The following RGS7 variants were observed in gnomAD, a reference collection of about 807,000 sequenced individuals.
RGS7 encodes the protein regulator of G-protein signaling 7.
In RGS7, 27 loss-of-function variants were observed where a neutral mutation model predicts 81.1. The ratio of observed to expected loss-of-function variants is 0.33; its 90% CI spans 0.25 to 0.46. The LOEUF (loss-of-function observed/expected upper bound fraction) is 0.46, where lower values mean the gene tolerates loss of function less well. Among genes scored for constraint, RGS7 ranks in the 20% least tolerant of loss-of-function variants. The probability of loss-of-function intolerance (pLI) is 1.00; values close to 1 mark genes in which losing one functional copy is unlikely to be tolerated. For missense variants in RGS7, 396 were observed against 607.4 expected (o/e 0.65, Z 3.66); for synonymous variants, 208 against 207.7 (o/e 1.00, Z -0.01).
At chr1:241,319,847 C>T (rs532219663) in intron 2 of RGS7, among the ~76,000 whole-genome samples, 97 of 152,284 alleles carry the variant, frequency 6.4e-4, no homozygotes, top group Non-Finnish European at 8.8e-4. Flanking sequence ...AATCCCAGCA[C>T]TTTGGGAGGC....
At chr1:240,921,248 A>C (rs2148301614) in intron 6 of RGS7, among the ~76,000 whole-genome samples, 1 of 152,286 alleles carries the variant, frequency 6.6e-6, no homozygotes, top group East Asian at 1.9e-4. Context: ...GAATAATGGT[A>C]CCAGAAAAAA....
At chr1:241,001,888 AT>A (rs144866410) in intron 3 of RGS7, among the ~76,000 whole-genome samples, 1,724 of 152,302 alleles carry the variant, frequency 0.011, 29 homozygotes, top group African/African-American at 0.039. Flanking sequence ...CACAACACCA[AT>A]GATAAACCCT....
intron 6 of RGS7, among the ~76,000 whole-genome samples, chr1:240,891,395 T>G (rs780007642): frequency 3.9e-4 from 59 of 152,212 alleles, no homozygotes; most frequent in Non-Finnish European, 7.2e-4. Flanking sequence ...TAAACTAGAA[T>G]TTGGCCTCAC....
rs145601406 is a variant in RGS7, at chr1:240,939,510, A to G, written c.227-2804T>C. 3.3e-5 allele frequency among the ~76,000 whole-genome samples: 5 copies of G among 152,300 alleles called. No individual in the cohort carries two copies. The East Asian group carries it at 9.7e-4, about 29-fold the overall frequency. On this transcript the variant is annotated intron_variant, in intron 4 of 18. Transcript: ENST00000440928. ...GATCTAGAAAGATAGTTGGCCCATA[A>G]CAAATGAGCAGGTGGTTATAGTCCT...
At chr1:241,221,878 C>A in intron 2 of RGS7, among the ~76,000 whole-genome samples, 1 of 152,084 alleles carries the variant, frequency 6.6e-6, no homozygotes, top group East Asian at 1.9e-4. Context: ...TAAAATAAAT[C>A]TTTCTTTCCT....
At chr1:240,977,443 T>A (rs917097949) in intron 4 of RGS7, among the ~76,000 whole-genome samples, 1 of 152,248 alleles carries the variant, frequency 6.6e-6, no homozygotes, top group Non-Finnish European at 1.5e-5. Flanking sequence ...CGTAAATACA[T>A]ATCTTTTAGA....
At chr1:241,245,499 A>AT (rs991740950) in intron 2 of RGS7, among the ~76,000 whole-genome samples, 5 of 151,966 alleles carry the variant, frequency 3.3e-5, no homozygotes, top group Non-Finnish European at 7.4e-5. Flanking sequence ...TTATAAAAAA[A>AT]AAAAAAAAGA....
chr1:241,299,794 C>T (rs991651843), intron 2 of RGS7, among the ~76,000 whole-genome samples: 7 of 135,572 alleles, frequency 5.2e-5, no homozygotes, highest in African/African-American at 1.9e-4. Context: ...CATTTAGGTA[C>T]TCTCGTCCCA....
At chr1:240,867,360 C>T (rs1663502475) in intron 9 of RGS7, among the ~76,000 whole-genome samples, 1 of 152,080 alleles carries the variant, frequency 6.6e-6, no homozygotes, top group Non-Finnish European at 1.5e-5. Context: ...ATTATTTATT[C>T]TAATAATACT....
chr1:241,083,989 A>T (rs1302535388), intron 3 of RGS7, among the ~76,000 whole-genome samples: 1 of 152,168 alleles, frequency 6.6e-6, no homozygotes, highest in Non-Finnish European at 1.5e-5. Context: ...CACCTTACTT[A>T]TTCTTATCTT....
Position 240,935,588 on chromosome 1 carries a change from G to A in RGS7, c.333+1012C>T, listed in dbSNP as rs17555. ...TACGATTATTTGCCTTGGAAGAAAT[G>A]AGTCCAAGGAAGGGGCAGTGAGACT... On this transcript the variant is annotated intron_variant, in intron 5 of 18. Coordinates refer to ENST00000440928, the MANE Select transcript of RGS7 (RefSeq NM_001364886.1). Among the ~76,000 whole-genome samples, 949 of 152,252 alleles carry A rather than the reference G, an allele frequency of 6.2e-3. 14 individuals are homozygous for A. Among genetic ancestry groups the A allele is most frequent in the African/African-American group, 0.022 (905 of 41,562 alleles).
chr1:240,996,916 A>C (rs563192991), intron 3 of RGS7, among the ~76,000 whole-genome samples: 1 of 151,750 alleles, frequency 6.6e-6, no homozygotes, highest in Non-Finnish European at 1.5e-5. Context: ...GATTGCATTA[A>C]TATTTTTTAA....
In RGS7 at chr1:241,098,654, A is replaced by G. The variant is rs1233235249; in HGVS notation, c.175+12T>C. ...ACAGGAGAAAACAGAACTGTGCTCC[A>G]TGCAGACTTACCAGAGAAGACGCTA... On this transcript the variant is annotated intron_variant, in intron 3 of 18. Coordinates refer to ENST00000440928, the MANE Select transcript of RGS7 (RefSeq NM_001364886.1). 1.3e-6 allele frequency: 2 copies of G among 1,579,876 alleles called. No homozygotes were observed. Among genetic ancestry groups the G allele is most frequent in the Non-Finnish European group, 1.7e-6 (2 of 1,149,020 alleles).
chr1:241,336,057 A>C (rs77572647), intron 2 of RGS7, among the ~76,000 whole-genome samples: 7,570 of 152,192 alleles, frequency 0.05, 490 homozygotes, highest in African/African-American at 0.15. Flanking sequence ...TTTATGAAGA[A>C]GACTTTTTTT....
intron 2 of RGS7, among the ~76,000 whole-genome samples, chr1:241,260,060 A>G (rs1360955081): frequency 6.6e-6 from 1 of 152,120 alleles, no homozygotes; most frequent in African/African-American, 2.4e-5. Context: ...TCTGCCATCC[A>G]TATGGAATTT....
intron 2 of RGS7, among the ~76,000 whole-genome samples, chr1:241,156,114 GGATAGAAAGATAAATGATGATA>G (rs1558136901): frequency 3.3e-5 from 5 of 149,340 alleles, no homozygotes; most frequent in Non-Finnish European, 7.4e-5. Flanking sequence ...CTGAGATAGA[GGATAGAAAGATAAATGATGATA>G]GATAGATAGA....
chr1:241,330,166 C>T (rs537906418), intron 2 of RGS7, among the ~76,000 whole-genome samples: 19 of 152,204 alleles, frequency 1.2e-4, no homozygotes, highest in South Asian at 1.2e-3. Flanking sequence ...GTCTCGATCT[C>T]CTGACCTCGT....
chr1:241,269,697 T>C (rs1181673230), intron 2 of RGS7, among the ~76,000 whole-genome samples: 3 of 152,124 alleles, frequency 2.0e-5, no homozygotes, highest in Non-Finnish European at 4.4e-5. Context: ...CACTGATGAG[T>C]GGGCGATCTG....
In RGS7 at chr1:240,867,984, G is replaced by C. The variant is rs567644193; in HGVS notation, c.609+603C>G. ...CCACTGTACTCCAGCCTGGGCCACA[G>C]AGCCAGATCCCATAAAAAAAGAGAG... On this transcript the variant is annotated intron_variant, in intron 9 of 18. Coordinates refer to ENST00000440928, the MANE Select transcript of RGS7 (RefSeq NM_001364886.1). Among the ~76,000 whole-genome samples, 12 of 132,664 alleles carry C rather than the reference G, an allele frequency of 9.0e-5. No homozygotes were observed. The East Asian group carries it at 1.2e-3, about 13-fold the overall frequency. 87.0% of individuals were successfully genotyped at this position (132,664 alleles called of 152,430 possible).
Sources: gnomAD v4.1 joint callset for allele counts (sites outside exome capture counted in the v4.1 genomes callset) on GRCh38, gnomAD v4.1.1 for gene constraint, MANE v1.5 for transcripts, NCBI Gene and HGNC (gene_info 2026-07-23, HGNC 2026-07-21) for gene names.